LSAMP: variants seen among roughly 807,000 people sequenced by gnomAD.
LSAMP encodes limbic system associated membrane protein.
Under a neutral mutation model 38.6 loss-of-function variants are expected in LSAMP, and 7 were observed. The ratio of observed to expected loss-of-function variants is 0.18; its 90% CI spans 0.10 to 0.34. LSAMP has a LOEUF of 0.34. Ranked by LOEUF, LSAMP falls within the 10% of genes least tolerant of loss-of-function variation. The probability of loss-of-function intolerance (pLI) is 1.00; values close to 1 mark genes in which losing one functional copy is unlikely to be tolerated. For missense variants in LSAMP, 313 were observed against 420.0 expected (o/e 0.75, Z 2.23); for synonymous variants, 154 against 166.8 (o/e 0.92, Z 0.59).
rs183508799 is a variant in LSAMP at position 116,349,571 on chromosome 3, G to A, written c.155+95306C>T. Among the ~76,000 whole-genome samples the A allele has an allele frequency of 9.3e-5, 14 of 150,972 alleles. No homozygotes were observed. In the East Asian group the frequency reaches 2.7e-3, roughly 29 times the overall value. On this transcript the variant is annotated intron_variant, in intron 1 of 6. Transcript: ENST00000490035. ...CCTTCATAATTTTTTAGCATTTACT[G>A]TCAGGCACTGTTATAGCATTGGGTT...
At chr3:116,293,727 G>A (rs1011109935) in intron 1 of LSAMP, among the ~76,000 whole-genome samples, 2 of 152,140 alleles carry the variant, frequency 1.3e-5, no homozygotes, top group African/African-American at 4.8e-5. Context: ...GATATATGGA[G>A]TTATTCAGCA....
At chr3:116,131,972 T>C (rs9872975) in intron 1 of LSAMP, among the ~76,000 whole-genome samples, 119,727 of 151,686 alleles carry the variant, frequency 0.79, 48,005 homozygotes, top group South Asian at 0.9. Context: ...GAATTATAGG[T>C]GCACACTACC....
intron 3 of LSAMP, among the ~76,000 whole-genome samples, chr3:115,944,650 A>G (rs1320866375): frequency 2.0e-5 from 3 of 152,202 alleles, no homozygotes; most frequent in Non-Finnish European, 4.4e-5. Flanking sequence ...TATCTTAGTT[A>G]TTAATTGCAA....
At chr3:116,275,516 T>TTAA (rs2047038662) in intron 1 of LSAMP, among the ~76,000 whole-genome samples, 1 of 150,550 alleles carries the variant, frequency 6.6e-6, no homozygotes, top group Non-Finnish European at 1.5e-5. Context: ...ATTTACCTAA[T>TTAA]TAATTATTAA....
intron 3 of LSAMP, among the ~76,000 whole-genome samples, chr3:115,943,237 G>C (rs1364033734): frequency 6.6e-6 from 1 of 152,094 alleles, no homozygotes; most frequent in Non-Finnish European, 1.5e-5. Flanking sequence ...GCCTGGGGAG[G>C]TCTTCTGGGC....
chr3:115,888,014 CA>C (rs1439537700), intron 3 of LSAMP, among the ~76,000 whole-genome samples: 2 of 152,010 alleles, frequency 1.3e-5, no homozygotes, highest in Non-Finnish European at 2.9e-5. Flanking sequence ...CACATTTTAG[CA>C]AAGTACAGTG....
chr3:116,249,391 T>TA (rs919889830), intron 1 of LSAMP, among the ~76,000 whole-genome samples: 4 of 9,690 alleles, frequency 4.1e-4, no homozygotes, highest in East Asian at 7.8e-3. Context: ...AGATTCTATA[T>TA]TTTTTTTTTT....
At chr3:116,215,284 G>A (rs1023589133) in intron 1 of LSAMP, among the ~76,000 whole-genome samples, 1 of 152,106 alleles carries the variant, frequency 6.6e-6, no homozygotes, top group African/African-American at 2.4e-5. Flanking sequence ...CTGGTCTTTG[G>A]TCACTCAGGT....
chr3:115,884,812 A>T (rs1036748490), intron 3 of LSAMP, among the ~76,000 whole-genome samples: 6 of 152,088 alleles, frequency 3.9e-5, no homozygotes, highest in Admixed American at 1.3e-4. Context: ...AGTCAATAAC[A>T]TAAAAAAGAA....
chr3:115,995,446 G>C (rs1939788652), intron 3 of LSAMP, among the ~76,000 whole-genome samples: 1 of 152,042 alleles, frequency 6.6e-6, no homozygotes. Flanking sequence ...AATATTTGTT[G>C]ATGATGATGA....
intron 1 of LSAMP, among the ~76,000 whole-genome samples, chr3:116,294,846 G>C (rs898711237): frequency 9.9e-5 from 15 of 152,164 alleles, no homozygotes; most frequent in African/African-American, 3.6e-4. Flanking sequence ...TAGTGAAGGA[G>C]GGTGACAGAG....
chr3:116,064,283 T>C (rs1042424464), intron 2 of LSAMP, among the ~76,000 whole-genome samples: 2 of 152,126 alleles, frequency 1.3e-5, no homozygotes, highest in African/African-American at 2.4e-5. Context: ...CCCAACATTT[T>C]AGGAGGCCAA....
At chr3:116,225,172 G>A (rs1373996545) in intron 1 of LSAMP, among the ~76,000 whole-genome samples, 1 of 152,160 alleles carries the variant, frequency 6.6e-6, no homozygotes, top group Non-Finnish European at 1.5e-5. Flanking sequence ...ACTTTATTTG[G>A]ATGTAAGTTC....
intron 6 of LSAMP, among the ~76,000 whole-genome samples, chr3:115,815,142 A>C (rs1933975022): frequency 6.6e-6 from 1 of 151,608 alleles, no homozygotes; most frequent in African/African-American, 2.4e-5. Flanking sequence ...AGATGTTCAG[A>C]GAGAGAGAGA....
chr3:115,880,178 A>G lies in LSAMP; in HGVS notation c.515-27561T>C, dbSNP rs185821689. 1.6e-3 allele frequency among the ~76,000 whole-genome samples: 245 copies of G among 152,228 alleles called. 3 individuals are homozygous for G. Among genetic ancestry groups the G allele is most frequent in the African/African-American group, 5.7e-3 (235 of 41,572 alleles). ...TTCTGTGTCACTATTCTCTGGACAC[A>G]CTGATTGATCCAAGAGAGAAAAATG... is the stretch of plus-strand genomic sequence containing the variant. On this transcript the variant is annotated intron_variant, in intron 3 of 6. Coordinates refer to ENST00000490035, the MANE Select transcript of LSAMP (RefSeq NM_002338.5).
At chr3:115,984,481 C>T (rs921158317) in intron 3 of LSAMP, among the ~76,000 whole-genome samples, 1 of 152,058 alleles carries the variant, frequency 6.6e-6, no homozygotes, top group Non-Finnish European at 1.5e-5. Context: ...ACTATAGGTA[C>T]AAAGTGTGAG....
chr3:116,391,297 C>A (rs1393257194), intron 1 of LSAMP, among the ~76,000 whole-genome samples: 1 of 151,796 alleles, frequency 6.6e-6, no homozygotes, highest in Non-Finnish European at 1.5e-5. Flanking sequence ...TGTGCCCCGC[C>A]CCCCCCGTGC....
At chr3:116,196,487 C>A (rs1247230571) in intron 1 of LSAMP, among the ~76,000 whole-genome samples, 1 of 152,090 alleles carries the variant, frequency 6.6e-6, no homozygotes, top group Non-Finnish European at 1.5e-5. Flanking sequence ...TCAAGTAGAT[C>A]ATAACTAGTA....
chr3:116,422,606 A>G (rs1576212759), intron 1 of LSAMP, among the ~76,000 whole-genome samples: 1 of 152,302 alleles, frequency 6.6e-6, no homozygotes, highest in Middle Eastern at 3.4e-3. Context: ...GGGACTGACT[A>G]AAGGTGGGCA....
Sources: allele counts gnomAD v4.1 joint callset (sites outside exome capture counted in the v4.1 genomes callset), GRCh38; gene constraint gnomAD v4.1.1; transcripts MANE v1.5; gene names NCBI Gene and HGNC (gene_info 2026-07-23, HGNC 2026-07-21).